Variants in ACTR3C observed in about 807,000 individuals in gnomAD.
The protein encoded by ACTR3C is actin-related protein 3C.
A neutral mutation model predicts 26.3 loss-of-function variants in ACTR3C; 18 were observed. That is an observed-to-expected ratio of 0.68 (90% CI 0.47 to 1.01). ACTR3C has a LOEUF of 1.01. Among genes scored for constraint, ACTR3C ranks in the 50% least tolerant of loss-of-function variants. ACTR3C has a pLI of 0.00. For synonymous variants in ACTR3C, 55 were observed against 94.5 expected (o/e 0.58, Z 2.42); for missense variants, 184 against 250.7 (o/e 0.73, Z 1.80).
rs2530921 is a variant in ACTR3C at position 150,280,953 on chromosome 7, G to A, written c.564+3800C>T. The stretch of plus-strand genomic sequence containing the variant: ...AAAAGCCCCACTGGCCCAGACGAGC[G>A]CCTCAAGGCGCAGGTGTGGCAGAGG... On this transcript the variant is annotated intron_variant, in intron 6 of 7. Transcript: ENST00000683684. Among the ~76,000 whole-genome samples, 307 of 152,152 alleles carry A rather than the reference G, an allele frequency of 2.0e-3. 2 individuals carry two copies. The highest frequency in any genetic ancestry group is 1.7e-3 in the Non-Finnish European group (117 of 68,026).
chr7:149,959,753 C>T, the ACTR3C span, among the ~76,000 whole-genome samples: 1 of 152,054 alleles, frequency 6.6e-6, no homozygotes, highest in Non-Finnish European at 1.5e-5. Context: ...ATTTATCTAC[C>T]CTAATAGAAA....
the ACTR3C span, among the ~76,000 whole-genome samples, chr7:150,230,463 G>A: frequency 4.2e-4 from 64 of 152,264 alleles, no homozygotes; most frequent in African/African-American, 1.4e-3. Flanking sequence ...TGGCCTGTTA[G>A]TAAAAGGGCC....
chr7:149,899,208 G>A, the ACTR3C span, among the ~76,000 whole-genome samples: 8 of 151,026 alleles, frequency 5.3e-5, no homozygotes, highest in East Asian at 2.0e-4. Context: ...AACTCTCACC[G>A]TGGCAAAAAC....
At chr7:150,037,480 G>A in the ACTR3C span, among the ~76,000 whole-genome samples, 7 of 59,342 alleles carry the variant, frequency 1.2e-4, 3 homozygotes, top group East Asian at 5.5e-3. Flanking sequence ...CTGCGATGGG[G>A]GTAGCAACAG....
At chr7:150,033,908 G>A in the ACTR3C span, among the ~76,000 whole-genome samples, 2 of 150,764 alleles carry the variant, frequency 1.3e-5, no homozygotes, top group African/African-American at 4.9e-5. Flanking sequence ...CTCAGTCCCC[G>A]CGTCGCGAGG....
the ACTR3C span, among the ~76,000 whole-genome samples, chr7:150,123,343 G>A: frequency 7.9e-5 from 12 of 152,106 alleles, no homozygotes; most frequent in Admixed American, 7.9e-4. Context: ...AGAGACAGAT[G>A]CACGTAAAGC....
chr7:149,920,454 G>A, the ACTR3C span, among the ~76,000 whole-genome samples: 2 of 151,352 alleles, frequency 1.3e-5, no homozygotes, highest in African/African-American at 2.4e-5. Context: ...CCACAGGCAC[G>A]CATCACCACA....
chr7:150,321,324 A>T (rs1230404329), intron 1 of ACTR3C, among the ~76,000 whole-genome samples: 1 of 152,204 alleles, frequency 6.6e-6, no homozygotes, highest in Non-Finnish European at 1.5e-5. Context: ...TTGTTTGAAT[A>T]ATTTTTCTTT....
At chr7:150,133,231 T>C in the ACTR3C span, among the ~76,000 whole-genome samples, 1 of 152,136 alleles carries the variant, frequency 6.6e-6, no homozygotes, top group Admixed American at 6.5e-5. Context: ...TGAACAGCCC[T>C]GTGTTCGACG....
At chr7:150,158,509 T>TA in the ACTR3C span, among the ~76,000 whole-genome samples, 2 of 152,110 alleles carry the variant, frequency 1.3e-5, no homozygotes, top group African/African-American at 2.4e-5. Flanking sequence ...TATTCAGCTT[T>TA]AAAAAAAGAA....
At chr7:150,115,818 C>T in the ACTR3C span, among the ~76,000 whole-genome samples, 42 of 152,278 alleles carry the variant, frequency 2.8e-4, no homozygotes, top group East Asian at 5.6e-3. Context: ...AAAGGCTGGC[C>T]GATAAATGAA....
Position 150,248,942 on chromosome 7 carries a change from G to T in ACTR3C, c.*38+6C>A. 1.8e-6 allele frequency: 1 copy of T among 546,978 alleles called. No homozygotes were observed. The highest frequency in any genetic ancestry group is 3.3e-6 in the Non-Finnish European group (1 of 303,984). The allele number at this position is 546,978 out of a possible 1,614,324, so 33.9% of individuals were successfully genotyped here. A position where few individuals can be genotyped will look rare whatever the true frequency, so the allele number is the denominator to read the frequency against. ...CTAGAATTAAAAATGAAAATCATGA[G>T]AATACCTCAAATAAAAGGCTACGCA... is the stretch of plus-strand genomic sequence containing the variant. On this transcript the variant is annotated splice_donor_region_variant and intron_variant, in intron 7 of 7. Transcript: ENST00000683684.
the ACTR3C span, among the ~76,000 whole-genome samples, chr7:150,118,379 G>A: frequency 6.6e-6 from 1 of 151,856 alleles, no homozygotes; most frequent in South Asian, 2.1e-4. Context: ...CCAGTTTAGA[G>A]AAGAACATAA....
At chr7:149,971,594 G>C in the ACTR3C span, among the ~76,000 whole-genome samples, 1 of 152,134 alleles carries the variant, frequency 6.6e-6, no homozygotes, top group Non-Finnish European at 1.5e-5. Context: ...AAATGTAGGC[G>C]GTATATAAAC....
chr7:150,247,361 A>G lies in ACTR3C; in HGVS notation c.*247T>C, dbSNP rs1255572469. The G allele has an allele frequency of 6.6e-6, 1 of 151,818 alleles. No individual in the cohort carries two copies. The highest frequency in any genetic ancestry group is 1.5e-5 in the Non-Finnish European group (1 of 67,980). The allele number at this position is 151,818 out of a possible 1,614,324, so 9.4% of individuals were successfully genotyped here. On this transcript the variant is annotated 3_prime_UTR_variant, in exon 8 of 8. Coordinates refer to ENST00000683684, the MANE Select transcript of ACTR3C (RefSeq NM_001164458.2). Reference sequence around the variant, plus strand: ...TAATACTTTCTCCAAGAACATGCACATCTTCACCTGGGCTTGCTGCTGCCC... The same window carrying G: ...TAATACTTTCTCCAAGAACATGCACGTCTTCACCTGGGCTTGCTGCTGCCC...
chr7:149,939,350 A>G, the ACTR3C span, among the ~76,000 whole-genome samples: 2 of 152,256 alleles, frequency 1.3e-5, no homozygotes, highest in Non-Finnish European at 2.9e-5. Flanking sequence ...AATAGCAAAA[A>G]TCATTGAACA....
At chr7:150,091,104 G>A in the ACTR3C span, among the ~76,000 whole-genome samples, 2,473 of 149,230 alleles carry the variant, frequency 0.017, 73 homozygotes, top group African/African-American at 0.058. Context: ...GTGTGGCCAG[G>A]ACCCCTGCTT....
chr7:150,247,386 C>A lies in ACTR3C; in HGVS notation c.*222G>T, dbSNP rs1194438944. The A allele has an allele frequency of 6.6e-5, 10 of 150,998 alleles. No homozygotes were observed. Among genetic ancestry groups the A allele is most frequent in the African/African-American group, 2.2e-4 (9 of 40,964 alleles). The allele number at this position is 150,998 out of a possible 1,614,324, so 9.4% of individuals were successfully genotyped here. A position where few individuals can be genotyped will look rare whatever the true frequency, so the allele number is the denominator to read the frequency against. On this transcript the variant is annotated 3_prime_UTR_variant, in exon 8 of 8. Transcript: ENST00000683684. ...ATCTTCACCTGGGCTTGCTGCTGCC[C>A]CACGTAGTAAGGATGCAACAGTTTG...
downstream of ACTR3C, among the ~76,000 whole-genome samples, chr7:150,239,540 C>CTCTATATATATA (rs1317088405): frequency 1.1e-5 from 1 of 90,254 alleles, no homozygotes; most frequent in Non-Finnish European, 1.9e-5. Context: ...CTCTCTCTCT[C>CTCTATATATATA]TATATATATA....
Sources: allele counts gnomAD v4.1 joint callset (sites outside exome capture counted in the v4.1 genomes callset), GRCh38; gene constraint gnomAD v4.1.1; transcripts MANE v1.5; gene names NCBI Gene and HGNC (gene_info 2026-07-23, HGNC 2026-07-21).